Variants in C10orf90 observed in about 807,000 individuals in gnomAD.
C10orf90 encodes the protein (E2-independent) E3 ubiquitin-conjugating enzyme FATS.
C10orf90 carries 56 observed loss-of-function variants against 62.5 expected under a neutral mutation model. The observed-to-expected ratio is 0.90, with a 90% CI of 0.72 to 1.12. The LOEUF is 1.12. Among genes scored for constraint, C10orf90 ranks in the 50% most tolerant of loss-of-function variants. The probability of loss-of-function intolerance (pLI) is 0.00; values close to 1 mark genes in which losing one functional copy is unlikely to be tolerated. For missense variants in C10orf90, 970 were observed against 880.4 expected (o/e 1.10, Z -1.29); for synonymous variants, 386 against 340.4 (o/e 1.13, Z -1.47).
At chr10:126,622,929 T>C (rs1301197058) in intron 2 of C10orf90, among the ~76,000 whole-genome samples, 2 of 152,250 alleles carry the variant, frequency 1.3e-5, no homozygotes, top group Non-Finnish European at 2.9e-5. Context: ...TCCTCATTGT[T>C]ACAAATTAAG....
rs1002650994 is a variant in C10orf90, at chr10:126,646,639, T to C, written c.241-2A>G. The C allele has an allele frequency of 2.3e-6, 1 of 439,044 alleles. No individual in the cohort carries two copies. Among genetic ancestry groups the C allele is most frequent in the Middle Eastern group, 3.3e-4 (1 of 2,992 alleles). 27.2% of individuals were successfully genotyped at this position (439,044 alleles called of 1,614,324 possible). A position where few individuals can be genotyped will look rare whatever the true frequency, so the allele number is the denominator to read the frequency against. On this transcript the variant is annotated splice_acceptor_variant, in intron 1 of 9. Coordinates refer to ENST00000488181, the MANE Select transcript of C10orf90 (RefSeq NM_001350921.2). LOFTEE classifies it high-confidence loss of function. The stretch of plus-strand genomic sequence containing the variant: ...GGATGAGAAGAGTCGACTGTGGATC[T>C]AGAAAACAAACAGAAATATTTCCCA...
chr10:126,663,918 A>AC (rs137947515), intron 1 of C10orf90, among the ~76,000 whole-genome samples: 1 of 152,008 alleles, frequency 6.6e-6, no homozygotes, highest in Admixed American at 6.6e-5. Flanking sequence ...AGATGGTAAA[A>AC]CCCCATTTAG....
At chr10:126,599,918 G>C (rs1186203907) in intron 2 of C10orf90, among the ~76,000 whole-genome samples, 3 of 152,212 alleles carry the variant, frequency 2.0e-5, no homozygotes, top group Admixed American at 6.5e-5. Context: ...AAAGGAAGAA[G>C]AGAGTATCTT....
intron 4 of C10orf90, among the ~76,000 whole-genome samples, chr10:126,499,455 C>T (rs1449053177): frequency 1.3e-5 from 2 of 152,126 alleles, no homozygotes; most frequent in Non-Finnish European, 2.9e-5. Flanking sequence ...TCTTCTGGTC[C>T]CTCTAGTAAA....
chr10:126,487,527 C>G (rs1172664890), intron 4 of C10orf90, among the ~76,000 whole-genome samples: 1 of 152,068 alleles, frequency 6.6e-6, no homozygotes, highest in Non-Finnish European at 1.5e-5. Context: ...TGTCAACATA[C>G]CTTAGTATGT....
chr10:126,573,837 T>G (rs1360580276), intron 2 of C10orf90, among the ~76,000 whole-genome samples: 1 of 152,172 alleles, frequency 6.6e-6, no homozygotes, highest in East Asian at 1.9e-4. Flanking sequence ...CTTTGCTTTT[T>G]TTTTTAACCC....
chr10:126,617,796 A>C (rs1483311282), intron 2 of C10orf90, among the ~76,000 whole-genome samples: 1 of 152,258 alleles, frequency 6.6e-6, no homozygotes, highest in Non-Finnish European at 1.5e-5. Flanking sequence ...CAGTAAAAAA[A>C]GCATCTCCCA....
At chr10:126,619,258 T>C (rs1845599648) in intron 2 of C10orf90, among the ~76,000 whole-genome samples, 1 of 152,166 alleles carries the variant, frequency 6.6e-6, no homozygotes, top group African/African-American at 2.4e-5. Context: ...TCATGGATAG[T>C]CTTATGCACG....
intron 2 of C10orf90, among the ~76,000 whole-genome samples, chr10:126,558,451 G>A (rs140878917): frequency 0.01 from 1,534 of 152,276 alleles, 25 homozygotes; most frequent in African/African-American, 0.035. Flanking sequence ...TCCTAAGACC[G>A]CAGCACTAAC....
chr10:126,654,535 T>C (rs1434247413), intron 1 of C10orf90, among the ~76,000 whole-genome samples: 4 of 152,236 alleles, frequency 2.6e-5, no homozygotes, highest in Non-Finnish European at 4.4e-5. Flanking sequence ...GCTGGATTGA[T>C]CTGCTATCCA....
intron 2 of C10orf90, among the ~76,000 whole-genome samples, chr10:126,529,753 T>C (rs11816401): frequency 0.068 from 10,419 of 152,244 alleles, 1,181 homozygotes; most frequent in African/African-American, 0.23. Flanking sequence ...AGTTCCCATG[T>C]GTGATCAGCA....
chr10:126,425,741 A>G lies in C10orf90; in HGVS notation c.*123T>C. 9.5e-7 allele frequency: 1 copy of G among 1,055,768 alleles called. No homozygotes were observed. The highest frequency in any genetic ancestry group is 3.0e-5 in the Admixed American group (1 of 33,206). 65.4% of individuals were successfully genotyped at this position (1,055,768 alleles called of 1,614,324 possible). A position where few individuals can be genotyped will look rare whatever the true frequency, so the allele number is the denominator to read the frequency against. On this transcript the variant is annotated 3_prime_UTR_variant, in exon 10 of 10. Coordinates refer to ENST00000488181, the MANE Select transcript of C10orf90 (RefSeq NM_001350921.2). The stretch of plus-strand genomic sequence containing the variant: ...AGGAAGTGATGTTTTCCTTTATGGA[A>G]AAAAAAAATCGAAAGTAAAATAAGT...
chr10:126,571,527 G>A (rs1209069259), intron 2 of C10orf90, among the ~76,000 whole-genome samples: 3 of 152,346 alleles, frequency 2.0e-5, no homozygotes, highest in Non-Finnish European at 4.4e-5. Context: ...GATGCAGAGG[G>A]AGGAGGCGGC....
chr10:126,654,126 C>T (rs1390930752), intron 1 of C10orf90, among the ~76,000 whole-genome samples: 1 of 152,160 alleles, frequency 6.6e-6, no homozygotes, highest in African/African-American at 2.4e-5. Context: ...AGGATCTTCA[C>T]AATGGGAAAT....
At chr10:126,466,620 G>A (rs1860305890) in intron 4 of C10orf90, among the ~76,000 whole-genome samples, 1 of 152,096 alleles carries the variant, frequency 6.6e-6, no homozygotes, top group East Asian at 1.9e-4. Context: ...GGCCCCCAAA[G>A]CACCTTCCTG....
At chr10:126,461,752 C>T (rs1292092421) in intron 5 of C10orf90, among the ~76,000 whole-genome samples, 167 bp from the exon 6 acceptor site, 1 of 152,162 alleles carries the variant, frequency 6.6e-6, no homozygotes, top group African/African-American at 2.4e-5. Context: ...AGCCCCCGGC[C>T]GCCCTGGTCA....
At chr10:126,485,155 G>A (rs1861362755) in intron 4 of C10orf90, among the ~76,000 whole-genome samples, 2 of 152,286 alleles carry the variant, frequency 1.3e-5, no homozygotes, top group South Asian at 4.1e-4. Flanking sequence ...GACTTTATAA[G>A]CAGCAGCCAG....
intron 7 of C10orf90, among the ~76,000 whole-genome samples, chr10:126,455,476 G>A (rs1320937875): frequency 1.3e-5 from 2 of 152,178 alleles, no homozygotes; most frequent in Non-Finnish European, 2.9e-5. Flanking sequence ...TCACCCGCCT[G>A]CTTCCCCACA....
intron 7 of C10orf90, among the ~76,000 whole-genome samples, chr10:126,442,641 A>G (rs1329509787): frequency 1.5e-4 from 3 of 19,456 alleles, no homozygotes; most frequent in Admixed American, 5.2e-4. Flanking sequence ...GTGTATATAT[A>G]TATATATATA....
Sources: gnomAD v4.1 joint callset for allele counts (sites outside exome capture counted in the v4.1 genomes callset) on GRCh38, gnomAD v4.1.1 for gene constraint, MANE v1.5 for transcripts, NCBI Gene and HGNC (gene_info 2026-07-23, HGNC 2026-07-21) for gene names.